Variants in RASGRF1 observed in about 807,000 individuals in gnomAD.
The protein encoded by RASGRF1 is Ras protein specific guanine nucleotide releasing factor 1.
Under a neutral mutation model 138.7 loss-of-function variants are expected in RASGRF1, and 40 were observed. The observed-to-expected ratio is 0.29, with a 90% CI of 0.22 to 0.38. The LOEUF (loss-of-function observed/expected upper bound fraction) is 0.38. Among genes scored for constraint, RASGRF1 ranks in the 10% least tolerant of loss-of-function variants. The probability of loss-of-function intolerance (pLI) is 1.00; values close to 1 mark genes in which losing one functional copy is unlikely to be tolerated. For missense variants in RASGRF1, 1,108 were observed against 1,650.4 expected (o/e 0.67, Z 5.69); for synonymous variants, 614 against 663.2 (o/e 0.93, Z 1.14).
chr15:79,075,265 A>C (rs1012476143), intron 1 of RASGRF1, among the ~76,000 whole-genome samples: 1 of 152,220 alleles, frequency 6.6e-6, no homozygotes, highest in Non-Finnish European at 1.5e-5. Context: ...CAGAAATCAC[A>C]TCTGGGGTTG....
At chr15:79,036,887 CAGAA>C (rs2057230445) in intron 5 of RASGRF1, among the ~76,000 whole-genome samples, 1 of 152,026 alleles carries the variant, frequency 6.6e-6, no homozygotes. Flanking sequence ...AGAGAATATA[CAGAA>C]AGAAAGGAAA....
chr15:79,087,568 A>C (rs564149823), intron 1 of RASGRF1, among the ~76,000 whole-genome samples: 1 of 152,240 alleles, frequency 6.6e-6, no homozygotes, highest in Non-Finnish European at 1.5e-5. Context: ...CACTCTGTAC[A>C]TGCCCAGCAG....
intron 13 of RASGRF1, among the ~76,000 whole-genome samples, chr15:79,008,541 G>A (rs769029711): frequency 2.0e-5 from 3 of 152,194 alleles, no homozygotes; most frequent in African/African-American, 4.8e-5. Context: ...CATGAAGAGG[G>A]AGTAATCCAA....
intron 1 of RASGRF1, 67 bp downstream of exon 1, chr15:79,090,156 C>A: frequency 6.8e-7 from 1 of 1,478,964 alleles, no homozygotes; most frequent in African/African-American, 1.4e-5. Context: ...ATCAGCCAGC[C>A]GAAGGCCCTG....
In RASGRF1 at chr15:78,980,690, A is replaced by G. The variant is rs778229142; in HGVS notation, c.3424T>C (p.Leu1142=). The change falls in exon 24 of 27, where the codon TTG becomes CTG. Residue 1142 remains leucine (L), a synonymous_variant. Transcript: ENST00000558480. Reference sequence around the variant, plus strand: ...ACAAGCTTTTGGAGCTTATCAATCAAAGCTTTAGTCTAGAAGGAAGCAGAA... The same window carrying G: ...ACAAGCTTTTGGAGCTTATCAATCAGAGCTTTAGTCTAGAAGGAAGCAGAA... ...WLKVSKQTKA[L]IDKLQKLVSS... The G allele has an allele frequency of 6.2e-7, 1 of 1,602,784 alleles. No homozygotes were observed. Among genetic ancestry groups the G allele is most frequent in the Non-Finnish European group, 8.5e-7 (1 of 1,170,668 alleles).
intron 23 of RASGRF1, among the ~76,000 whole-genome samples, chr15:78,983,242 C>T (rs369725615): frequency 5.3e-5 from 8 of 152,358 alleles, no homozygotes; most frequent in African/African-American, 1.9e-4. Flanking sequence ...CGGCTGGGGG[C>T]TGCAGAAGAC....
rs1338190566 is a variant in RASGRF1, at chr15:78,985,226, C to A, written c.3217-22G>T. 8.4e-6 allele frequency: 13 copies of A among 1,549,490 alleles called. No individual in the cohort carries two copies. The Admixed American group carries it at 1.0e-4, about 12-fold the overall frequency. On this transcript the variant is annotated intron_variant, in intron 22 of 26. Coordinates refer to ENST00000558480, the MANE Select transcript of RASGRF1 (RefSeq NM_001145648.3). ...TGATCTTTAAGCCGATGCAATAAGACAGGGAAAAAGAGGAGTAAGTATTGC... is the reference window on the plus strand; with the variant it reads ...TGATCTTTAAGCCGATGCAATAAGAAAGGGAAAAAGAGGAGTAAGTATTGC...
intron 1 of RASGRF1, among the ~76,000 whole-genome samples, chr15:79,079,910 G>A (rs2057891720): frequency 6.6e-6 from 1 of 152,164 alleles, no homozygotes. Context: ...CACCTCCCTG[G>A]GACCCCACCA....
At chr15:79,078,653 G>T (rs1566970616) in intron 1 of RASGRF1, among the ~76,000 whole-genome samples, 1 of 152,060 alleles carries the variant, frequency 6.6e-6, no homozygotes, top group Non-Finnish European at 1.5e-5. Flanking sequence ...CTTCATGCAG[G>T]GTCAGGACCC....
chr15:79,000,053 T>C, intron 16 of RASGRF1, 140 bp from the exon 17 acceptor site: 2 of 836,636 alleles, frequency 2.4e-6, no homozygotes, highest in Non-Finnish European at 3.8e-6. Flanking sequence ...TGTCGGGTGG[T>C]GCTGGTGTGT....
At chr15:79,067,526 C>T (rs1953728252) in intron 1 of RASGRF1, among the ~76,000 whole-genome samples, 1 of 152,318 alleles carries the variant, frequency 6.6e-6, no homozygotes, top group African/African-American at 2.4e-5. Flanking sequence ...GCTTTTGCTG[C>T]TGCAGGAGGC....
At chr15:78,968,119 C>T (rs1217194477) in intron 26 of RASGRF1, among the ~76,000 whole-genome samples, 1 of 151,420 alleles carries the variant, frequency 6.6e-6, no homozygotes, top group Admixed American at 6.6e-5. Context: ...GACAGGGTCT[C>T]ACTATGTTGC....
intron 24 of RASGRF1, among the ~76,000 whole-genome samples, chr15:78,979,938 G>A (rs374755555): frequency 6.6e-6 from 1 of 152,214 alleles, no homozygotes; most frequent in Non-Finnish European, 1.5e-5. Flanking sequence ...AGTTTTGGTC[G>A]TCACAACTTG....
chr15:79,070,937 T>C (rs1225018106), intron 1 of RASGRF1, among the ~76,000 whole-genome samples: 1 of 152,154 alleles, frequency 6.6e-6, no homozygotes, highest in African/African-American at 2.4e-5. Flanking sequence ...GCCCATCTCG[T>C]GGGTGACTGG....
At position 79,027,142 on chromosome 15, in the gene RASGRF1, T is replaced by C. The variant is rs763476067; in HGVS notation, c.1381+599A>G. On this transcript the variant is annotated intron_variant, in intron 9 of 26. Transcript: ENST00000558480. The surrounding 1 kb of genome is among the most constrained non-coding windows in gnomAD (Gnocchi z 4.8). ...GAAGTTGAATGTGATGAATTTCAAA[T>C]GCATTGCAGTTCTGATGTCAGTCCC... Among the ~76,000 whole-genome samples, 1 of 152,196 alleles carries C rather than the reference T, an allele frequency of 6.6e-6. No individual in the cohort carries two copies. Among genetic ancestry groups the C allele is most frequent in the Non-Finnish European group, 1.5e-5 (1 of 68,028 alleles).
chr15:78,997,672 G>T (rs996843465), intron 19 of RASGRF1, among the ~76,000 whole-genome samples: 8 of 142,752 alleles, frequency 5.6e-5, no homozygotes, highest in African/African-American at 2.1e-4. Context: ...GGAGGTGGAG[G>T]TTACAGTGAG....
At chr15:79,035,015 G>T in intron 6 of RASGRF1, 116 bp downstream of exon 6, 1 of 755,894 alleles carries the variant, frequency 1.3e-6, no homozygotes, top group Non-Finnish European at 2.1e-6. Flanking sequence ...GGGATTCTGT[G>T]GGTTTTAAAA....
chr15:78,985,178 G>A lies in RASGRF1; in HGVS notation c.3243C>T (p.Ile1081=). 6.2e-7 allele frequency: 1 copy of A among 1,610,632 alleles called. No homozygotes were observed. Among genetic ancestry groups the A allele is most frequent in the Non-Finnish European group, 8.5e-7 (1 of 1,176,832 alleles). The change falls in exon 23 of 27, where the codon ATC becomes ATT. Residue 1081 remains isoleucine, a synonymous_variant. Transcript: ENST00000558480. The part of the protein sequence containing the change: ...NDISNLIASE[I]IRNEDINARV... ...TGGCGTTGATGTCCTCATTGCGGAT[G>A]ATTTCTGAAGCAATCAAGTTACTGA...
rs1417509122 is a variant in RASGRF1, at chr15:79,032,285, G to A, written c.990C>T (p.Leu330=). Residue 330 remains leucine, a synonymous_variant, in exon 7 of 27, where the codon CTC becomes CTT. Transcript: ENST00000558480. The surrounding 1 kb of genome is among the most constrained non-coding windows in gnomAD (Gnocchi z 4.5). ...ADLFDILLPM[L]NIYQEFVRNH... ...TGCGGACGAACTCTTGGTAGATGTT[G>A]AGCATGGGCAGCAGGATGTCAAATA... The A allele has an allele frequency of 1.2e-6, 2 of 1,613,990 alleles. No individual in the cohort carries two copies. The highest frequency in any genetic ancestry group is 1.7e-5 in the Admixed American group (1 of 60,002).
Sources: gnomAD v4.1 joint callset for allele counts (sites outside exome capture counted in the v4.1 genomes callset) on GRCh38, gnomAD v4.1.1 for gene constraint, Gnocchi (gnomAD v3.1) non-coding constraint, MANE v1.5 for transcripts, NCBI Gene and HGNC (gene_info 2026-07-23, HGNC 2026-07-21) for gene names.